Variants in BBS1 observed in about 807,000 individuals in gnomAD.
The protein encoded by BBS1 is Bardet-Biedl syndrome 1, also known as BBSome complex member BBS1.
Under a neutral mutation model 73.9 loss-of-function variants are expected in BBS1, and 60 were observed. The ratio of observed to expected loss-of-function variants is 0.81; its 90% CI spans 0.66 to 1.01. The LOEUF is 1.01. Among genes scored for constraint, BBS1 ranks in the 50% least tolerant of loss-of-function variants. The probability of loss-of-function intolerance (pLI) is 0.00; values close to 1 mark genes in which losing one functional copy is unlikely to be tolerated. For synonymous variants in BBS1, 283 were observed against 317.4 expected, an observed-to-expected ratio of 0.89 and a Z score of 1.15; for missense variants, 718 against 770.3, an observed-to-expected ratio of 0.93 and a Z score of 0.80.
At chr11:66,521,885 A>G (rs560058265) in intron 9 of BBS1, among the ~76,000 whole-genome samples, 1 of 125,206 alleles carries the variant, frequency 8.0e-6, no homozygotes, top group Admixed American at 8.5e-5. Flanking sequence ...AGCCTGGGTA[A>G]CGGAGCGAGA....
At chr11:66,528,985 A>T (rs993523130) in intron 13 of BBS1, 2 of 744,022 alleles carry the variant, frequency 2.7e-6, no homozygotes, top group African/African-American at 3.8e-5. Flanking sequence ...AAAAAAAAAA[A>T]AAAAGGAAGA....
intron 3 of BBS1, among the ~76,000 whole-genome samples, chr11:66,512,007 T>A (rs192668946): frequency 0.1 from 14,409 of 144,432 alleles, 859 homozygotes; most frequent in Non-Finnish European, 0.14. Flanking sequence ...AAAAAAAATA[T>A]ATATATATAT....
Position 66,523,585 on chromosome 11 carries a change from C to T in BBS1, c.951+9C>T. ...ATGGCTTCACCCACAAGGTGCAGCC[C>T]CCAGCAAGCAGCAGCCCCTCCACGC... On this transcript the variant is annotated intron_variant, in intron 10 of 16. Coordinates refer to ENST00000318312, the MANE Select transcript of BBS1 (RefSeq NM_024649.5). 1 of 1,614,094 alleles carries T rather than the reference C, an allele frequency of 6.2e-7. No homozygotes were observed.
At position 66,530,906 on chromosome 11, in the gene BBS1, G is replaced by C. The variant is rs1299808202; in HGVS notation, c.1486G>C (p.Gly496Arg). The C allele has an allele frequency of 6.2e-7, 1 of 1,614,226 alleles. No homozygotes were observed. The highest frequency in any genetic ancestry group is 1.7e-5 in the Admixed American group (1 of 60,034). ...ACCCTCTCCATAGGTTCAGGGCCTT[G>C]GCCCCACCTTTAAGCTCACACTTCA... Reference protein sequence around the residue: ...LKLHAVVQGLGPTFKLTLHLQ... With the variant: ...LKLHAVVQGLRPTFKLTLHLQ... The change falls in exon 15 of 17, where the codon GGC becomes CGC. Residue 496 changes from glycine to arginine, a missense_variant. Gly to Arg is a moderately radical substitution (Grantham distance 125). Transcript: ENST00000318312.
intron 12 of BBS1, 144 bp from the exon 13 acceptor site, chr11:66,526,503 CTT>C: frequency 9.9e-7 from 1 of 1,010,740 alleles, no homozygotes; most frequent in Non-Finnish European, 1.5e-6. Context: ...TTAAGATGCA[CTT>C]TGTTACTTCC....
At chr11:66,517,086 C>T (rs918094195) in intron 7 of BBS1, among the ~76,000 whole-genome samples, 4 of 151,858 alleles carry the variant, frequency 2.6e-5, no homozygotes, top group Admixed American at 1.3e-4. Context: ...GTACTCCCAG[C>T]TACTCAGGAG....
chr11:66,512,276 A>G (rs1855970797), intron 3 of BBS1, among the ~76,000 whole-genome samples: 1 of 152,120 alleles, frequency 6.6e-6, no homozygotes, highest in South Asian at 2.1e-4. Context: ...AAAGAGGTGA[A>G]GTTTACTGAA....
At chr11:66,529,334 T>C (rs756153972) in intron 13 of BBS1, 1 of 1,535,408 alleles carries the variant, frequency 6.5e-7, no homozygotes, top group Non-Finnish European at 8.7e-7. Flanking sequence ...TTCCGCAGCA[T>C]TGAGCCTGAG....
rs768620927 is a variant in BBS1, at chr11:66,526,110, C to T, written c.1111-13C>T. On this transcript the variant is annotated splice_polypyrimidine_tract_variant and intron_variant, in intron 11 of 16. Transcript: ENST00000318312. ...AGATATTTCCCCAACTAAACTCTGA[C>T]GTCTCCACATAGGATGCAGTGACCA... 40 of 1,613,870 alleles carry T rather than the reference C, an allele frequency of 2.5e-5. No individual in the cohort carries two copies. Among genetic ancestry groups the T allele is most frequent in the South Asian group, 8.8e-5 (8 of 91,088 alleles).
Position 66,523,886 on chromosome 11 carries a change from A to C in BBS1, c.1110+4A>C, listed in dbSNP as rs998715451. 1.9e-6 allele frequency: 3 copies of C among 1,612,688 alleles called. No homozygotes were observed. Among genetic ancestry groups the C allele is most frequent in the Non-Finnish European group, 2.5e-6 (3 of 1,180,024 alleles). ...GCTCAATGTCATCCACACCCCGGTG[A>C]GCCCCATCTCCGGCATCTGCCACTC... On this transcript the variant is annotated splice_donor_region_variant and intron_variant, in intron 11 of 16. Coordinates refer to ENST00000318312, the MANE Select transcript of BBS1 (RefSeq NM_024649.5).
At position 66,526,805 on chromosome 11, in the gene BBS1, C is replaced by T. The variant is rs1856527351; in HGVS notation, c.1337C>T (p.Thr446Ile). The change falls in exon 13 of 17, where the codon ACC becomes ATC. Residue 446 changes from threonine (T) to isoleucine (I), a missense_variant and splice_region_variant. Transcript: ENST00000318312. Reference sequence around the variant, plus strand: ...ACACTGCGAGAGCGGGAGGCTGGCACCGGTGAGCCTCAGACTGGGTCCTTT... The same window carrying T: ...ACACTGCGAGAGCGGGAGGCTGGCATCGGTGAGCCTCAGACTGGGTCCTTT... The part of the protein sequence containing the change: ...DQTLREREAG[T>I]AMHRAFQTDL... 1.2e-6 allele frequency: 2 copies of T among 1,614,128 alleles called. No individual in the cohort carries two copies. The highest frequency in any genetic ancestry group is 1.3e-5 in the African/African-American group (1 of 74,956).
chr11:66,520,604 G>A, intron 8 of BBS1: 1 of 157,056 alleles, frequency 6.4e-6, no homozygotes. Flanking sequence ...CCTTTTTAAA[G>A]ACCACGCAAT....
Position 66,511,046 on chromosome 11 carries a change from C to T in BBS1, c.81C>T (p.His27=), listed in dbSNP as rs1461414063. 4 of 1,614,068 alleles carry T rather than the reference C, an allele frequency of 2.5e-6. No individual in the cohort carries two copies. The highest frequency in any genetic ancestry group is 3.4e-6 in the Non-Finnish European group (4 of 1,180,050). ...CCAATTCGAAGTGGTTGGATGCGCA[C>T]TACGACCCAATGGCCAATATCCACA... The part of the protein sequence containing the change: ...NEANSKWLDA[H]YDPMANIHTF... The change falls in exon 2 of 17, where the codon CAC becomes CAT. Residue 27 remains histidine, a synonymous_variant. Transcript: ENST00000318312.
At position 66,529,846 on chromosome 11, in the gene BBS1, TA is replaced by T; in HGVS notation, c.1368del (p.Tyr457ThrfsTer19). The T allele has an allele frequency of 6.2e-7, 1 of 1,611,116 alleles. No individual in the cohort carries two copies. Among genetic ancestry groups the T allele is most frequent in the Non-Finnish European group, 8.5e-7 (1 of 1,179,972 alleles). On this transcript the variant is annotated frameshift_variant, in exon 14 of 17. Transcript: ENST00000318312. LOFTEE classifies it high-confidence loss of function. ...TAMHRAFQTD[L>X]YLLRLRAARA... ...ATGCACCGGGCCTTCCAGACAGACC[TA>T]TACCTGCTGCGCCTACGTGCTGCCC... is the stretch of plus-strand genomic sequence containing the variant.
At position 66,514,409 on chromosome 11, in the gene BBS1, G is replaced by T; in HGVS notation, c.163G>T (p.Val55Leu). ...DLHGDGEYKLVVGDLGPGGQQ... is the reference protein window; with the variant it reads ...DLHGDGEYKLLVGDLGPGGQQ... ...ATGAGCCATCCTCTCCCTGCAGCTG[G>T]TGGTAGGGGACCTTGGCCCTGGTGG... Residue 55 changes from valine (V) to leucine (L), a missense_variant, in exon 4 of 17, where the codon GTG becomes TTG. By Grantham distance (32) the Val-to-Leu change is conservative (BLOSUM62 1). Coordinates refer to ENST00000318312, the MANE Select transcript of BBS1 (RefSeq NM_024649.5). 1 of 1,614,088 alleles carries T rather than the reference G, an allele frequency of 6.2e-7. No individual in the cohort carries two copies. Among genetic ancestry groups the T allele is most frequent in the Non-Finnish European group, 8.5e-7 (1 of 1,180,042 alleles).
intron 8 of BBS1, chr11:66,520,884 A>C: frequency 3.1e-6 from 1 of 325,654 alleles, no homozygotes; most frequent in Non-Finnish European, 6.0e-6. Context: ...ACGCCCAGCT[A>C]AGTTTTGTAC....
intron 13 of BBS1, 171 bp downstream of exon 13, chr11:66,526,978 C>T: frequency 6.5e-7 from 1 of 1,546,066 alleles, no homozygotes; most frequent in Non-Finnish European, 8.7e-7. Context: ...ACGTTGCCTG[C>T]AAATCACTGT....
At chr11:66,513,633 C>T (rs1022366195) in intron 3 of BBS1, among the ~76,000 whole-genome samples, 13 of 152,108 alleles carry the variant, frequency 8.5e-5, no homozygotes, top group African/African-American at 2.9e-4. Flanking sequence ...GAGCCATGAT[C>T]GCACCACTGC....
chr11:66,523,663 G>C (rs905064850), intron 10 of BBS1, 61 bp from the exon 11 acceptor site: 6 of 1,610,584 alleles, frequency 3.7e-6, no homozygotes, highest in Non-Finnish European at 5.1e-6. Flanking sequence ...CCCCACCCCA[G>C]AAACCGTTCT....
Sources: gnomAD v4.1 joint callset for allele counts (sites outside exome capture counted in the v4.1 genomes callset) on GRCh38, gnomAD v4.1.1 for gene constraint, MANE v1.5 for transcripts, NCBI Gene and HGNC (gene_info 2026-07-23, HGNC 2026-07-21) for gene names.